The following NALF1 variants were observed in gnomAD, a reference collection of about 807,000 sequenced individuals.
NALF1 encodes NALCN channel auxiliary factor 1.
A neutral mutation model predicts 48.4 loss-of-function variants in NALF1; 3 were observed. The ratio of observed to expected loss-of-function variants is 0.06; its 90% CI spans 0.03 to 0.16. NALF1 has a LOEUF of 0.16. Among genes scored for constraint, NALF1 ranks in the 10% least tolerant of loss-of-function variants. The pLI is 1.00. For synonymous variants in NALF1, 262 were observed against 245.7 expected, an observed-to-expected ratio of 1.07 and a Z score of -0.62; for missense variants, 526 against 571.5, an observed-to-expected ratio of 0.92 and a Z score of 0.81.
intron 1 of NALF1, among the ~76,000 whole-genome samples, chr13:107,756,271 C>T (rs1474524606): frequency 1.3e-5 from 2 of 151,924 alleles, no homozygotes; most frequent in Admixed American, 1.3e-4. Context: ...AAATTCAGAC[C>T]TTGACTCAGT....
intron 1 of NALF1, among the ~76,000 whole-genome samples, chr13:107,249,457 G>C (rs72666517): frequency 6.6e-6 from 1 of 151,990 alleles, no homozygotes; most frequent in Non-Finnish European, 1.5e-5. Flanking sequence ...TTGTCTACAC[G>C]AAGTGATGTT....
intron 1 of NALF1, among the ~76,000 whole-genome samples, chr13:107,395,614 A>G (rs1883699483): frequency 6.6e-6 from 1 of 152,114 alleles, no homozygotes. Context: ...GTTCTCTCTG[A>G]AACTGCATTA....
chr13:107,187,910 G>T (rs1879210258), intron 2 of NALF1, among the ~76,000 whole-genome samples: 1 of 152,110 alleles, frequency 6.6e-6, no homozygotes. Context: ...AAAAGTAATT[G>T]TGGTTTCTGC....
At chr13:107,452,220 C>A (rs1884753411) in intron 1 of NALF1, among the ~76,000 whole-genome samples, 1 of 152,142 alleles carries the variant, frequency 6.6e-6, no homozygotes, top group African/African-American at 2.4e-5. Flanking sequence ...ATGTAAAACC[C>A]TGGTGATCCA....
chr13:107,349,509 G>A (rs917170363), intron 1 of NALF1, among the ~76,000 whole-genome samples: 3 of 152,026 alleles, frequency 2.0e-5, no homozygotes, highest in East Asian at 1.9e-4. Context: ...TTGGGAGGGC[G>A]AGGCAGGTGG....
At chr13:107,345,655 T>C (rs572626505) in intron 1 of NALF1, among the ~76,000 whole-genome samples, 2 of 152,300 alleles carry the variant, frequency 1.3e-5, no homozygotes, top group East Asian at 3.9e-4. Flanking sequence ...ATTAAGTGCC[T>C]ACATGTAATA....
At chr13:107,418,328 C>A (rs958420458) in intron 1 of NALF1, among the ~76,000 whole-genome samples, 1 of 152,012 alleles carries the variant, frequency 6.6e-6, no homozygotes, top group African/African-American at 2.4e-5. Flanking sequence ...TGCCTTAGTT[C>A]TGATGAAAAG....
intron 1 of NALF1, among the ~76,000 whole-genome samples, chr13:107,410,596 G>A (rs1014338281): frequency 1.3e-5 from 2 of 151,990 alleles, no homozygotes; most frequent in African/African-American, 4.8e-5. Flanking sequence ...ACACGACAAT[G>A]CTGTTAAAAC....
chr13:107,250,877 C>T (rs897898937), intron 1 of NALF1, among the ~76,000 whole-genome samples: 3 of 152,084 alleles, frequency 2.0e-5, no homozygotes, highest in Admixed American at 6.6e-5. Context: ...GTAGCACCTC[C>T]CCCTTCACTC....
intron 1 of NALF1, among the ~76,000 whole-genome samples, chr13:107,591,536 T>C (rs1023520302): frequency 1.3e-5 from 2 of 152,000 alleles, no homozygotes; most frequent in Non-Finnish European, 2.9e-5. Context: ...TTTTCTTTAA[T>C]TTTTATTATG....
chr13:107,414,136 T>C lies in NALF1; in HGVS notation c.916-203381A>G, dbSNP rs570083922. Among the ~76,000 whole-genome samples, 33 of 152,270 alleles carry C rather than the reference T, an allele frequency of 2.2e-4. No homozygotes were observed. In the South Asian group the frequency reaches 6.8e-3, roughly 32 times the overall value. ...ATGCCATGTAGTCAAAACGATCTAT[T>C]AAAAATAATTTATTATTATAAGCAT... On this transcript the variant is annotated intron_variant, in intron 1 of 2. Transcript: ENST00000375915.
chr13:107,178,681 C>A (rs555330626), intron 2 of NALF1, among the ~76,000 whole-genome samples: 1 of 152,116 alleles, frequency 6.6e-6, no homozygotes, highest in South Asian at 2.1e-4. Flanking sequence ...CGGTGGCTCA[C>A]GCACCTAATC....
intron 1 of NALF1, among the ~76,000 whole-genome samples, chr13:107,473,301 C>T (rs1264014242): frequency 6.6e-6 from 1 of 152,078 alleles, no homozygotes; most frequent in African/African-American, 2.4e-5. Context: ...TTTGGACACA[C>T]CTGGAATTTG....
chr13:107,284,904 C>G (rs1443669240), intron 1 of NALF1, among the ~76,000 whole-genome samples: 1 of 127,716 alleles, frequency 7.8e-6, no homozygotes, highest in African/African-American at 2.8e-5. Context: ...AGCCACCCAT[C>G]CTATTTTTTT....
chr13:107,415,269 A>C (rs1884065498), intron 1 of NALF1, among the ~76,000 whole-genome samples: 1 of 152,200 alleles, frequency 6.6e-6, no homozygotes, highest in South Asian at 2.1e-4. Context: ...AGACTAACAT[A>C]GTTAATCAAA....
At chr13:107,429,995 T>C (rs1418949298) in intron 1 of NALF1, among the ~76,000 whole-genome samples, 1 of 152,206 alleles carries the variant, frequency 6.6e-6, no homozygotes, top group African/African-American at 2.4e-5. Context: ...TGCTTAACTT[T>C]CCTATACAAG....
intron 1 of NALF1, among the ~76,000 whole-genome samples, chr13:107,218,004 C>T (rs1384571119): frequency 1.3e-5 from 2 of 152,170 alleles, no homozygotes; most frequent in East Asian, 1.9e-4. Flanking sequence ...AAGCTCCTAA[C>T]CGATTCACAG....
intron 1 of NALF1, among the ~76,000 whole-genome samples, chr13:107,508,101 C>T (rs1390995428): frequency 6.6e-6 from 1 of 151,976 alleles, no homozygotes; most frequent in Admixed American, 6.6e-5. Context: ...AATATTTGGC[C>T]ATTAATAGAA....
At chr13:107,241,044 T>C (rs1594085161) in intron 1 of NALF1, among the ~76,000 whole-genome samples, 1 of 97,548 alleles carries the variant, frequency 1.0e-5, no homozygotes, top group Admixed American at 1.5e-4. Flanking sequence ...CGAAACCCCA[T>C]ATCTACTAAA....
Sources: allele counts gnomAD v4.1 joint callset (sites outside exome capture counted in the v4.1 genomes callset), GRCh38; gene constraint gnomAD v4.1.1; transcripts MANE v1.5; gene names NCBI Gene and HGNC (gene_info 2026-07-23, HGNC 2026-07-21).